The following DNAH17 variants were observed in gnomAD, a reference collection of about 807,000 sequenced individuals.
The protein encoded by DNAH17 is axonemal beta dynein heavy chain 17.
DNAH17 carries 376 observed loss-of-function variants against 485.6 expected under a neutral mutation model. That is an observed-to-expected ratio of 0.77 (90% CI 0.71 to 0.84). DNAH17 has a LOEUF of 0.84. Ranked by LOEUF, DNAH17 falls within the 40% of genes least tolerant of loss-of-function variation. The pLI is 0.00. For synonymous variants in DNAH17, 3,031 were observed against 2,405.9 expected (o/e 1.26, Z -7.60); for missense variants, 6,370 against 5,839.3 (o/e 1.09, Z -2.96).
intron 17 of DNAH17, among the ~76,000 whole-genome samples, chr17:78,541,520 T>G (rs2091588362): frequency 6.6e-6 from 1 of 151,922 alleles, no homozygotes; most frequent in Admixed American, 6.5e-5. Flanking sequence ...GAGAGAAGAC[T>G]TGGGCTCAAA....
rs755985238 is a variant in DNAH17, at chr17:78,495,986, T to C, written c.5792A>G (p.Asn1931Ser). The part of the protein sequence containing the change: ...DAIRAKKKAF[N>S]FLGEIIGLIP... ...GAGGCCTATGATCTCTCCCAGGAAA[T>C]TGAATGCTTTTTTCTTGGCCCGAAT... Residue 1931 changes from asparagine to serine, a missense_variant, in exon 38 of 81, where the codon AAT becomes AGT. Physicochemically the swap from Asn to Ser is conservative, Grantham distance 46. Transcript: ENST00000389840. The C allele has an allele frequency of 4.1e-5, 66 of 1,613,664 alleles. No homozygotes were observed. The highest frequency in any genetic ancestry group is 4.9e-5 in the Non-Finnish European group (58 of 1,179,796).
intron 31 of DNAH17, among the ~76,000 whole-genome samples, chr17:78,503,344 AT>A (rs34437723): frequency 8.3e-4 from 107 of 129,370 alleles, no homozygotes; most frequent in Non-Finnish European, 1.4e-3. Context: ...CACTCCCGGC[AT>A]TTTTTTTTTT....
chr17:78,549,117 A>G (rs1346124706), intron 16 of DNAH17, among the ~76,000 whole-genome samples: 1 of 152,230 alleles, frequency 6.6e-6, no homozygotes, highest in East Asian at 1.9e-4. Flanking sequence ...GTGTTCTCTC[A>G]TCTCCCAAAA....
chr17:78,542,046 G>T (rs1021971735), intron 17 of DNAH17, among the ~76,000 whole-genome samples: 59 of 151,708 alleles, frequency 3.9e-4, no homozygotes, highest in African/African-American at 1.3e-3. Context: ...GGTGTGGCCT[G>T]CTGGTCTGTC....
chr17:78,465,620 A>T (rs1261424165), intron 56 of DNAH17, among the ~76,000 whole-genome samples: 1 of 124,470 alleles, frequency 8.0e-6, no homozygotes, highest in Non-Finnish European at 1.7e-5. Flanking sequence ...TGCCCGGCCG[A>T]GACCCCGTCT....
intron 56 of DNAH17, among the ~76,000 whole-genome samples, chr17:78,464,782 G>A (rs1279755727): frequency 1.3e-5 from 2 of 152,244 alleles, no homozygotes; most frequent in Non-Finnish European, 2.9e-5. Context: ...AGCCTTGGCT[G>A]CGCCGGGGCT....
intron 79 of DNAH17, 124 bp downstream of exon 79, chr17:78,426,333 C>G (rs1447473460): frequency 9.8e-6 from 12 of 1,229,624 alleles, no homozygotes; most frequent in South Asian, 1.8e-5. Context: ...CCTGATCTGA[C>G]AGAGGACAGG....
chr17:78,460,530 C>A (rs1193740673), intron 58 of DNAH17, among the ~76,000 whole-genome samples: 2 of 152,244 alleles, frequency 1.3e-5, no homozygotes, highest in Non-Finnish European at 1.5e-5. Context: ...CCGGCCACCA[C>A]TCATTTGCTG....
Position 78,484,883 on chromosome 17 carries a change from A to G in DNAH17, c.7634T>C (p.Met2545Thr). The G allele has an allele frequency of 6.4e-7, 1 of 1,570,132 alleles. No individual in the cohort carries two copies. The highest frequency in any genetic ancestry group is 8.6e-7 in the Non-Finnish European group (1 of 1,157,772). The change falls in exon 48 of 81, where the codon ATG (methionine) becomes ACG (threonine). Residue 2545 changes from methionine to threonine, a missense_variant. Met to Thr is a moderately conservative substitution (Grantham distance 81). Transcript: ENST00000389840. ...VAPHTLIRQH[M>T]DHRHWYDRHK... is the part of the protein sequence containing the mutation. ...CCCGTCTAACCAGTGCCGGTGGTCCATGTGCTGCCGGATGAGGGTGTGCGG... is the reference window on the plus strand; with the variant it reads ...CCCGTCTAACCAGTGCCGGTGGTCCGTGTGCTGCCGGATGAGGGTGTGCGG...
Position 78,461,571 on chromosome 17 carries a change from T to G in DNAH17, c.9312A>C (p.Glu3104Asp). Residue 3104 changes from glutamate (E) to aspartate (D), a missense_variant, in exon 58 of 81, where the codon GAA becomes GAC. Transcript: ENST00000389840. ...VSKEKAIADQEEVKVEVINKN... is the reference protein window; with the variant it reads ...VSKEKAIADQDEVKVEVINKN... Reference sequence around the variant, plus strand: ...TATTGATGACCTCGACCTTGACTTCTTCCTGGTCAGCAATGGCCTTCTCTT... The same window carrying G: ...TATTGATGACCTCGACCTTGACTTCGTCCTGGTCAGCAATGGCCTTCTCTT... The G allele has an allele frequency of 6.2e-7, 1 of 1,601,746 alleles. No individual in the cohort carries two copies. Among genetic ancestry groups the G allele is most frequent in the Non-Finnish European group, 8.5e-7 (1 of 1,175,096 alleles).
At position 78,454,490 on chromosome 17, in the gene DNAH17, G is replaced by A. The variant is rs754495947; in HGVS notation, c.10386C>T (p.Ala3462=). ...CACACCTCTTCTGTCCCAGGCGGATGGCTTTCAGTTCACTCCTGTATTTGT... is the reference window on the plus strand; with the variant it reads ...CACACCTCTTCTGTCCCAGGCGGATAGCTTTCAGTTCACTCCTGTATTTGT... The part of the protein sequence containing the change: ...IKNKYRSELK[A]IRLGQKSYLD... Residue 3462 remains alanine, a synonymous_variant, in exon 64 of 81, where the codon GCC becomes GCT. Coordinates refer to ENST00000389840, the MANE Select transcript of DNAH17 (RefSeq NM_173628.4). 7 of 1,612,950 alleles carry A rather than the reference G, an allele frequency of 4.3e-6. No homozygotes were observed. The Admixed American group carries it at 5.0e-5, about 12-fold the overall frequency.
At chr17:78,536,319 A>G (rs959036987) in intron 19 of DNAH17, among the ~76,000 whole-genome samples, 9 of 152,096 alleles carry the variant, frequency 5.9e-5, no homozygotes, top group African/African-American at 2.2e-4. Flanking sequence ...GCATGGTGGC[A>G]TGCACCTGTA....
chr17:78,558,815 A>G (rs530856629), intron 13 of DNAH17, among the ~76,000 whole-genome samples: 4 of 152,306 alleles, frequency 2.6e-5, no homozygotes, highest in African/African-American at 7.2e-5. Flanking sequence ...CAACAGGGAC[A>G]TCCCTTCCAA....
At position 78,462,845 on chromosome 17, in the gene DNAH17, T is replaced by A. The variant is rs780986021; in HGVS notation, c.9173A>T (p.Gln3058Leu). 3.1e-6 allele frequency: 5 copies of A among 1,613,862 alleles called. No homozygotes were observed. The highest frequency in any genetic ancestry group is 4.2e-6 in the Non-Finnish European group (5 of 1,179,828). The change falls in exon 57 of 81, where the codon CAG becomes CTG. Residue 3058 changes from glutamine (Q) to leucine (L), a missense_variant and splice_region_variant. Coordinates refer to ENST00000389840, the MANE Select transcript of DNAH17 (RefSeq NM_173628.4). ...TGGCAGCCAGCCCCCCTCTCCTACC[T>A]GGGAAGCCGTGCTCTGCAGCTTCAT... is the stretch of plus-strand genomic sequence containing the variant. ...GLMKLQSTAS[Q>L]VDDLKAKLAI...
At position 78,490,650 on chromosome 17, in the gene DNAH17, C is replaced by G. The variant is rs376334772; in HGVS notation, c.6818+49G>C. On this transcript the variant is annotated intron_variant, in intron 44 of 80. Transcript: ENST00000389840. Reference sequence around the variant, plus strand: ...CAACTCTGAAACAGGCCAACAAGTTCGTTTTTCCCTGCCGAGGTTTGGAAC... The same window carrying G: ...CAACTCTGAAACAGGCCAACAAGTTGGTTTTTCCCTGCCGAGGTTTGGAAC... 5.1e-6 allele frequency: 8 copies of G among 1,559,150 alleles called. No homozygotes were observed. The South Asian group carries it at 7.1e-5, about 14-fold the overall frequency.
chr17:78,429,056 C>A, intron 76 of DNAH17, 65 bp downstream of exon 76: 2 of 1,534,932 alleles, frequency 1.3e-6, no homozygotes, highest in Non-Finnish European at 1.8e-6. Flanking sequence ...TTTGTGCTGG[C>A]AGGCTCTCAC....
At chr17:78,501,477 G>T in intron 34 of DNAH17, 133 bp from the exon 35 acceptor site, 1 of 1,176,094 alleles carries the variant, frequency 8.5e-7, no homozygotes, top group South Asian at 1.6e-5. Flanking sequence ...TCCCCCTCCA[G>T]CACCCACATC....
rs376644093 is a variant in DNAH17 at position 78,437,643 on chromosome 17, G to A, written c.12031C>T (p.Gln4011Ter). The A allele has an allele frequency of 6.2e-7, 1 of 1,605,276 alleles. No homozygotes were observed. The highest frequency in any genetic ancestry group is 8.5e-7 in the Non-Finnish European group (1 of 1,175,512). Residue 4011 changes from glutamine to a stop codon, truncating the protein, a stop_gained and splice_region_variant, in exon 74 of 81, where the codon CAG (glutamine) becomes TAG (stop). Coordinates refer to ENST00000389840, the MANE Select transcript of DNAH17 (RefSeq NM_173628.4). LOFTEE classifies it high-confidence loss of function. ...AGCCCGAGCAGGCGTGGCCCTACCTGGGTGAACAGGTCCAGGGCCTTGTGC... is the reference window on the plus strand; with the variant it reads ...AGCCCGAGCAGGCGTGGCCCTACCTAGGTGAACAGGTCCAGGGCCTTGTGC... ...NLHKALDLFT[Q>*]DTLEMCTKEM...
chr17:78,441,759 T>C (rs74001330), intron 71 of DNAH17, among the ~76,000 whole-genome samples: 3,236 of 152,190 alleles, frequency 0.021, 120 homozygotes, highest in African/African-American at 0.071. Flanking sequence ...CTGAGCTTAC[T>C]GTAATGTATA....
Sources: allele counts gnomAD v4.1 joint callset (sites outside exome capture counted in the v4.1 genomes callset), GRCh38; gene constraint gnomAD v4.1.1; transcripts MANE v1.5; gene names NCBI Gene and HGNC (gene_info 2026-07-23, HGNC 2026-07-21).